The following KCNC2 variants were observed in gnomAD, a reference collection of about 807,000 sequenced individuals.
KCNC2 encodes the protein voltage-gated potassium channel KCNC2.
A neutral mutation model predicts 44.5 loss-of-function variants in KCNC2; 21 were observed. The observed-to-expected ratio is 0.47, with a 90% CI of 0.33 to 0.68. KCNC2 has a LOEUF of 0.68. Among genes scored for constraint, KCNC2 ranks in the 30% least tolerant of loss-of-function variants. KCNC2 has a pLI of 0.01. For missense variants in KCNC2, 589 were observed against 826.2 expected, an observed-to-expected ratio of 0.71 and a Z score of 3.52; for synonymous variants, 391 against 339.1, an observed-to-expected ratio of 1.15 and a Z score of -1.68.
intron 2 of KCNC2, among the ~76,000 whole-genome samples, chr12:75,127,468 T>C (rs1888514216): frequency 6.6e-6 from 1 of 151,872 alleles, no homozygotes; most frequent in African/African-American, 2.4e-5. Context: ...AAAATATAAA[T>C]AAAAGGGAAG....
At chr12:75,068,800 C>G (rs970409151) in intron 2 of KCNC2, among the ~76,000 whole-genome samples, 1 of 152,118 alleles carries the variant, frequency 6.6e-6, no homozygotes, top group Admixed American at 6.5e-5. Context: ...CTGTTGAGCC[C>G]AGAACCAAAC....
chr12:75,100,171 G>A (rs367923927), intron 2 of KCNC2, among the ~76,000 whole-genome samples: 7 of 152,012 alleles, frequency 4.6e-5, no homozygotes, highest in African/African-American at 1.4e-4. Context: ...AATAGTAGGC[G>A]AGTTCTATAG....
chr12:75,153,298 A>G (rs2471657), intron 2 of KCNC2, among the ~76,000 whole-genome samples: 101,312 of 151,898 alleles, frequency 0.67, 35,788 homozygotes, highest in African/African-American at 0.91. Context: ...GTATACAGCA[A>G]ACCTTTGAAT....
intron 2 of KCNC2, among the ~76,000 whole-genome samples, chr12:75,086,692 A>G (rs1483660231): frequency 1.4e-5 from 2 of 145,996 alleles, no homozygotes; most frequent in Admixed American, 6.9e-5. Flanking sequence ...ATATATATAT[A>G]TATATATACA....
intron 2 of KCNC2, among the ~76,000 whole-genome samples, chr12:75,069,845 G>A (rs770911139): frequency 3.1e-4 from 47 of 152,074 alleles, no homozygotes; most frequent in Non-Finnish European, 1.3e-4. Flanking sequence ...CCTATGCTAG[G>A]GAGACCCAGG....
chr12:75,160,210 A>T (rs1891030948), intron 2 of KCNC2, among the ~76,000 whole-genome samples: 1 of 151,792 alleles, frequency 6.6e-6, no homozygotes, highest in Non-Finnish European at 1.5e-5. Flanking sequence ...TTGGACACAG[A>T]CACCAGGAAT....
rs552875887 is a variant in KCNC2, at chr12:75,117,406, A to G, written c.688-66089T>C. Among the ~76,000 whole-genome samples the G allele has an allele frequency of 1.3e-3, 198 of 152,220 alleles. 1 individual carries two copies. The highest frequency in any genetic ancestry group is 4.5e-3 in the African/African-American group (188 of 41,470). On this transcript the variant is annotated intron_variant, in intron 2 of 4. Transcript: ENST00000549446. ...TTTCTATAAAACAACTGTCCCCCCA[A>G]AAAGACTGCAACACTGACTTTCTTT...
intron 2 of KCNC2, among the ~76,000 whole-genome samples, chr12:75,152,729 T>C (rs1890490314): frequency 6.6e-6 from 1 of 151,938 alleles, no homozygotes; most frequent in East Asian, 1.9e-4. Flanking sequence ...GAAATAATAA[T>C]ACATAAGTTG....
At chr12:75,081,134 A>T (rs1458610) in intron 2 of KCNC2, among the ~76,000 whole-genome samples, 106,212 of 151,958 alleles carry the variant, frequency 0.7, 37,813 homozygotes, top group Non-Finnish European at 0.77. Context: ...TTCATCTAAC[A>T]TATTAGAGAT....
intron 1 of KCNC2, 44 bp from the exon 2 acceptor site, chr12:75,208,046 T>C: frequency 6.3e-7 from 1 of 1,599,016 alleles, no homozygotes; most frequent in Non-Finnish European, 8.5e-7. Flanking sequence ...ATCTTAGCCG[T>C]CAAAGACACA....
chr12:75,162,521 A>G (rs1468415742), intron 2 of KCNC2, among the ~76,000 whole-genome samples: 4 of 151,658 alleles, frequency 2.6e-5, no homozygotes, highest in Admixed American at 2.6e-4. Context: ...TCTTTCTTCT[A>G]TTGCTGTCAG....
At chr12:75,134,743 C>T (rs1444632332) in intron 2 of KCNC2, among the ~76,000 whole-genome samples, 4 of 151,824 alleles carry the variant, frequency 2.6e-5, no homozygotes, top group African/African-American at 7.2e-5. Flanking sequence ...CAAAATTATA[C>T]TTAGAGTAAG....
chr12:75,130,778 T>C (rs917457196), intron 2 of KCNC2, among the ~76,000 whole-genome samples: 9 of 127,144 alleles, frequency 7.1e-5, no homozygotes, highest in African/African-American at 3.3e-4. Context: ...GGACTCCTAG[T>C]AATAAAAAAA....
At chr12:75,206,295 T>C (rs1477663273) in intron 2 of KCNC2, among the ~76,000 whole-genome samples, 1 of 152,228 alleles carries the variant, frequency 6.6e-6, no homozygotes, top group Non-Finnish European at 1.5e-5. Flanking sequence ...AGTACTTTGT[T>C]CTCATATATA....
In KCNC2 at chr12:75,051,322, A is replaced by G; in HGVS notation, c.688-5T>C. 6.6e-7 allele frequency: 1 copy of G among 1,510,196 alleles called. No individual in the cohort carries two copies. The highest frequency in any genetic ancestry group is 1.2e-5 in the South Asian group (1 of 80,596). 93.5% of individuals were successfully genotyped at this position (1,510,196 alleles called of 1,614,324 possible). A position where few individuals can be genotyped will look rare whatever the true frequency, so the allele number is the denominator to read the frequency against. On this transcript the variant is annotated splice_polypyrimidine_tract_variant and splice_region_variant and intron_variant, in intron 2 of 4. Transcript: ENST00000549446. ...TAAAGAAGCAAAAGCAATAAACTGT[A>G]GAGGAAAAAGAAATAAAAAAACCCA...
intron 2 of KCNC2, among the ~76,000 whole-genome samples, chr12:75,059,314 G>A (rs928436600): frequency 1.2e-4 from 18 of 151,960 alleles, no homozygotes; most frequent in African/African-American, 4.3e-4. Flanking sequence ...GCCTTTTCTG[G>A]GGTCCATATA....
At chr12:75,126,650 G>A (rs904049079) in intron 2 of KCNC2, among the ~76,000 whole-genome samples, 2 of 152,180 alleles carry the variant, frequency 1.3e-5, no homozygotes, top group East Asian at 1.9e-4. Flanking sequence ...AAGACATTCA[G>A]AATCGTTCTG....
Position 75,209,764 on chromosome 12 carries a change from G to C in KCNC2, c.-577C>G, listed in dbSNP as rs1357142130. Reference sequence around the variant, plus strand: ...AGGAAAGAGTGGGTGGGTGGGTCTGGAGAAGCTATGTGTACCAACCAGGTT... The same window carrying C: ...AGGAAAGAGTGGGTGGGTGGGTCTGCAGAAGCTATGTGTACCAACCAGGTT... On this transcript the variant is annotated 5_prime_UTR_variant, in exon 1 of 5. Coordinates refer to ENST00000549446, the MANE Select transcript of KCNC2 (RefSeq NM_139137.4). 1 of 152,322 alleles carries C rather than the reference G, an allele frequency of 6.6e-6. No homozygotes were observed. Among genetic ancestry groups the C allele is most frequent in the African/African-American group, 2.4e-5 (1 of 41,436 alleles). 9.4% of individuals were successfully genotyped at this position (152,322 alleles called of 1,614,324 possible).
At chr12:75,203,536 G>A (rs1289881043) in intron 2 of KCNC2, among the ~76,000 whole-genome samples, 1 of 151,916 alleles carries the variant, frequency 6.6e-6, no homozygotes, top group African/African-American at 2.4e-5. Context: ...TCAGGGGAAT[G>A]TATGTGAAAG....
Sources: allele counts gnomAD v4.1 joint callset (sites outside exome capture counted in the v4.1 genomes callset), GRCh38; gene constraint gnomAD v4.1.1; transcripts MANE v1.5; gene names NCBI Gene and HGNC (gene_info 2026-07-23, HGNC 2026-07-21).